The following NRXN1 variants were observed in gnomAD, a reference collection of about 807,000 sequenced individuals.
NRXN1 encodes the protein neurexin-1.
NRXN1 carries 39 observed loss-of-function variants against 150.9 expected under a neutral mutation model. That is an observed-to-expected ratio of 0.26 (90% CI 0.20 to 0.34). NRXN1 has a LOEUF of 0.34. NRXN1 is among the 10% of genes least tolerant of loss of function. The pLI is 1.00. For missense variants in NRXN1, 1,815 were observed against 1,949.9 expected, an observed-to-expected ratio of 0.93 and a Z score of 1.30; for synonymous variants, 924 against 757.0, an observed-to-expected ratio of 1.22 and a Z score of -3.62.
At chr2:50,736,364 G>A (rs1290269614) in intron 5 of NRXN1, among the ~76,000 whole-genome samples, 2 of 152,134 alleles carry the variant, frequency 1.3e-5, no homozygotes, top group Non-Finnish European at 2.9e-5. Flanking sequence ...AGAGCTCTGT[G>A]GTCCTCCCTC....
At position 50,709,573 on chromosome 2, in the gene NRXN1, A is replaced by T. The variant is rs113165671; in HGVS notation, c.833-85958T>A. On this transcript the variant is annotated intron_variant, in intron 5 of 22. Coordinates refer to ENST00000401669, the MANE Select transcript of NRXN1 (RefSeq NM_001330078.2). ...GGTGCCATTAACAAGTACCCACAGG[A>T]TAACAGGCACCAAGAAGGATTTGGT... Among the ~76,000 whole-genome samples the T allele has an allele frequency of 1.6e-3, 244 of 152,216 alleles. 2 individuals are homozygous for T. Among genetic ancestry groups the T allele is most frequent in the African/African-American group, 5.7e-3 (238 of 41,530 alleles).
intron 15 of NRXN1, among the ~76,000 whole-genome samples, chr2:50,492,679 A>C (rs79450393): frequency 0.055 from 8,395 of 152,212 alleles, 802 homozygotes; most frequent in African/African-American, 0.19. Context: ...GTGTCTTTTT[A>C]AGGTATGGTA....
chr2:50,889,439 T>G (rs1005345487), intron 5 of NRXN1, among the ~76,000 whole-genome samples: 4 of 151,766 alleles, frequency 2.6e-5, no homozygotes, highest in African/African-American at 9.7e-5. Flanking sequence ...AAACACTCCG[T>G]AAGTTCATGC....
chr2:50,839,303 T>A (rs565656666), intron 5 of NRXN1, among the ~76,000 whole-genome samples: 1 of 152,208 alleles, frequency 6.6e-6, no homozygotes, highest in South Asian at 2.1e-4. Context: ...TACTATTACA[T>A]GCAAGAGGAT....
chr2:50,502,581 T>C (rs933185954), intron 13 of NRXN1, among the ~76,000 whole-genome samples: 2 of 152,096 alleles, frequency 1.3e-5, no homozygotes, highest in Non-Finnish European at 2.9e-5. Context: ...GAAACTATTT[T>C]AGATGCATTA....
chr2:50,833,899 G>C lies in NRXN1; in HGVS notation c.832+87970C>G, dbSNP rs75323159. On this transcript the variant is annotated intron_variant, in intron 5 of 22. Coordinates refer to ENST00000401669, the MANE Select transcript of NRXN1 (RefSeq NM_001330078.2). ...TGTATTTTTACTGTTATTTATCTAA[G>C]AGTATCTAAAAATTCCACAGTAATA... 7.0e-3 allele frequency among the ~76,000 whole-genome samples: 1,071 copies of C among 152,040 alleles called. 14 individuals are homozygous for C. The highest frequency in any genetic ancestry group is 0.025 in the African/African-American group (1,037 of 41,462).
intron 17 of NRXN1, among the ~76,000 whole-genome samples, chr2:50,258,016 T>C (rs1297642737): frequency 6.6e-6 from 1 of 152,044 alleles, no homozygotes; most frequent in Non-Finnish European, 1.5e-5. Flanking sequence ...AAATACTTTA[T>C]TGCTAAATCA....
chr2:50,958,194 G>T (rs893333011), intron 2 of NRXN1, among the ~76,000 whole-genome samples: 1 of 151,980 alleles, frequency 6.6e-6, no homozygotes, highest in Non-Finnish European at 1.5e-5. Flanking sequence ...TGTGGTCAAG[G>T]GAACGAGAGA....
intron 17 of NRXN1, among the ~76,000 whole-genome samples, chr2:50,296,588 C>T (rs7595232): frequency 0.04 from 6,056 of 150,462 alleles, 420 homozygotes; most frequent in African/African-American, 0.14. Context: ...CCCACCTCAG[C>T]TTCTTGAGTA....
At chr2:50,982,634 A>G (rs1697010815) in intron 2 of NRXN1, among the ~76,000 whole-genome samples, 1 of 152,130 alleles carries the variant, frequency 6.6e-6, no homozygotes, top group African/African-American at 2.4e-5. Flanking sequence ...TCAATAAGGC[A>G]CCATTTGGCA....
Position 50,037,764 on chromosome 2 carries a change from A to G in NRXN1, c.4128+15507T>C, listed in dbSNP as rs189366490. On this transcript the variant is annotated intron_variant, in intron 21 of 22. Transcript: ENST00000401669. ...ACTTTGTCAAACTGGGAAGATTAAA[A>G]GATTTTTCAGGGTTGTGTAAGTGCA... Among the ~76,000 whole-genome samples, 8 of 152,342 alleles carry G rather than the reference A, an allele frequency of 5.3e-5. No homozygotes were observed. The East Asian group carries it at 1.5e-3, about 29-fold the overall frequency.
chr2:49,935,243 T>C (rs1670828420), intron 22 of NRXN1, among the ~76,000 whole-genome samples: 1 of 152,240 alleles, frequency 6.6e-6, no homozygotes, highest in African/African-American at 2.4e-5. Flanking sequence ...AGAGATTCAA[T>C]GACTTGCCTC....
At chr2:50,513,224 T>A (rs911752161) in intron 12 of NRXN1, among the ~76,000 whole-genome samples, 1 of 152,192 alleles carries the variant, frequency 6.6e-6, no homozygotes, top group South Asian at 2.1e-4. Flanking sequence ...CTCCTTTTTA[T>A]GGAAAATAAG....
At chr2:50,878,894 A>G (rs1679014564) in intron 5 of NRXN1, among the ~76,000 whole-genome samples, 1 of 151,996 alleles carries the variant, frequency 6.6e-6, no homozygotes, top group Admixed American at 6.6e-5. Flanking sequence ...TAACAGTACT[A>G]TTAATACAAC....
chr2:50,555,669 T>G (rs1295037130), intron 8 of NRXN1, among the ~76,000 whole-genome samples: 1 of 152,314 alleles, frequency 6.6e-6, no homozygotes, highest in South Asian at 2.1e-4. Flanking sequence ...TTCACCTTTT[T>G]AAACCTAGTT....
At chr2:50,789,860 TA>T (rs1483117005) in intron 5 of NRXN1, among the ~76,000 whole-genome samples, 1 of 152,206 alleles carries the variant, frequency 6.6e-6, no homozygotes, top group Non-Finnish European at 1.5e-5. Flanking sequence ...GGATCATTTT[TA>T]AACCTTAAAT....
chr2:50,239,667 TATATATATATATATATATATATATATATA>T, intron 17 of NRXN1, among the ~76,000 whole-genome samples: 1 of 12,372 alleles, frequency 8.1e-5, no homozygotes, highest in African/African-American at 5.0e-4. Context: ...TTCCAGTATA[TATATATATATATATATATATATATATATA>T]TATATATATA....
At chr2:50,247,191 G>GA (rs1430057166) in intron 17 of NRXN1, among the ~76,000 whole-genome samples, 11 of 152,108 alleles carry the variant, frequency 7.2e-5, no homozygotes, top group African/African-American at 2.4e-4. Context: ...ATTCTGATAA[G>GA]AAAAAACATG....
chr2:50,532,445 T>A (rs2093142532), intron 10 of NRXN1, among the ~76,000 whole-genome samples: 1 of 152,136 alleles, frequency 6.6e-6, no homozygotes. Context: ...AAAACTGATA[T>A]TACCAAACAA....
Sources: gnomAD v4.1 joint callset for allele counts (sites outside exome capture counted in the v4.1 genomes callset) on GRCh38, gnomAD v4.1.1 for gene constraint, MANE v1.5 for transcripts, NCBI Gene and HGNC (gene_info 2026-07-23, HGNC 2026-07-21) for gene names.